The following C12orf42 variants were observed in gnomAD, a reference collection of about 807,000 sequenced individuals.
C12orf42 encodes uncharacterized protein C12orf42.
A neutral mutation model predicts 21.6 loss-of-function variants in C12orf42; 25 were observed. The ratio of observed to expected loss-of-function variants is 1.16; its 90% CI spans 0.84 to 1.62. The LOEUF (loss-of-function observed/expected upper bound fraction) is 1.62, where lower values mean the gene tolerates loss of function less well. Ranked by LOEUF, C12orf42 falls within the 40% of genes most tolerant of loss-of-function variation. The probability of loss-of-function intolerance (pLI) is 0.00; values close to 1 mark genes in which losing one functional copy is unlikely to be tolerated. For missense variants in C12orf42, 483 were observed against 459.3 expected, an observed-to-expected ratio of 1.05 and a Z score of -0.47; for synonymous variants, 174 against 175.0, an observed-to-expected ratio of 0.99 and a Z score of 0.05.
the C12orf42 span, among the ~76,000 whole-genome samples, chr12:103,169,238 C>T: frequency 2.0e-5 from 3 of 151,608 alleles, no homozygotes; most frequent in Non-Finnish European, 2.9e-5. Context: ...TCTTCGTGCA[C>T]TATGTAAATG....
chr12:103,135,998 A>G, the C12orf42 span, among the ~76,000 whole-genome samples: 1 of 152,170 alleles, frequency 6.6e-6, no homozygotes, highest in Admixed American at 6.5e-5. Flanking sequence ...GATCTGACAC[A>G]AGACAAGAGA....
At chr12:103,250,151 G>A (rs1467366840) in intron 10 of C12orf42, among the ~76,000 whole-genome samples, 1 of 151,920 alleles carries the variant, frequency 6.6e-6, no homozygotes. Context: ...TTCTTGGAAT[G>A]TCGGCTAAGA....
chr12:103,064,165 C>CACAAAG, the C12orf42 span, among the ~76,000 whole-genome samples: 1 of 152,146 alleles, frequency 6.6e-6, no homozygotes, highest in African/African-American at 2.4e-5. Flanking sequence ...CTTTACCAAT[C>CACAAAG]CTTTGTGACA....
At chr12:103,271,914 G>A (rs1162444391) in intron 5 of C12orf42, among the ~76,000 whole-genome samples, 2 of 152,158 alleles carry the variant, frequency 1.3e-5, no homozygotes, top group African/African-American at 2.4e-5. Flanking sequence ...CACTCCAACT[G>A]CTAGAGAGTA....
the C12orf42 span, among the ~76,000 whole-genome samples, chr12:103,219,905 T>C: frequency 1.3e-5 from 2 of 152,184 alleles, no homozygotes; most frequent in Non-Finnish European, 2.9e-5. Context: ...GCAATCCCAT[T>C]ACTGGGTATA....
chr12:103,099,989 G>A, the C12orf42 span, among the ~76,000 whole-genome samples: 1 of 152,212 alleles, frequency 6.6e-6, no homozygotes, highest in South Asian at 2.1e-4. Context: ...TTTGCCAGAT[G>A]GAATAATTTA....
At chr12:103,507,233 A>G in the C12orf42 span, among the ~76,000 whole-genome samples, 9 of 56,186 alleles carry the variant, frequency 1.6e-4, 2 homozygotes, top group Non-Finnish European at 2.5e-4. Flanking sequence ...ATATAAATAT[A>G]TATATATTAT....
chr12:103,344,308 A>G (rs991414852), intron 4 of C12orf42, among the ~76,000 whole-genome samples: 4 of 152,188 alleles, frequency 2.6e-5, no homozygotes, highest in Admixed American at 6.5e-5. Flanking sequence ...AGCTGCTGAA[A>G]TGGTCATGTG....
chr12:103,483,684 T>C (rs752280260), intron 1 of C12orf42, among the ~76,000 whole-genome samples: 3 of 152,158 alleles, frequency 2.0e-5, no homozygotes, highest in Non-Finnish European at 4.4e-5. Context: ...TTATTATACT[T>C]TAAGTTCTAG....
downstream of C12orf42, among the ~76,000 whole-genome samples, chr12:103,264,453 G>A (rs572825378): frequency 1.3e-5 from 2 of 152,134 alleles, no homozygotes; most frequent in South Asian, 2.1e-4. Flanking sequence ...CTTCTGATGA[G>A]CCAAAGACCC....
chr12:103,124,367 T>G, the C12orf42 span, among the ~76,000 whole-genome samples: 1 of 151,996 alleles, frequency 6.6e-6, no homozygotes, highest in Non-Finnish European at 1.5e-5. Flanking sequence ...GAGATCTTTC[T>G]TGATGGTGGC....
At chr12:103,194,407 C>T in the C12orf42 span, among the ~76,000 whole-genome samples, 1 of 152,050 alleles carries the variant, frequency 6.6e-6, no homozygotes, top group South Asian at 2.1e-4. Context: ...GACATGATCT[C>T]ATATCTAGAA....
chr12:103,241,590 C>T (rs1213821621), intron 10 of C12orf42, among the ~76,000 whole-genome samples: 4 of 152,138 alleles, frequency 2.6e-5, no homozygotes, highest in Admixed American at 6.5e-5. Flanking sequence ...ATTGGCTGGT[C>T]ATTTTCTTCT....
chr12:103,256,523 G>A lies in C12orf42; in HGVS notation c.*1366+6803C>T, dbSNP rs553189264. ...CATGTCTAAAGGTGAATGGATCCCCGTAATAGCCAACAGTTATTTACTGAA... is the reference window on the plus strand; with the variant it reads ...CATGTCTAAAGGTGAATGGATCCCCATAATAGCCAACAGTTATTTACTGAA... On this transcript the variant is annotated intron_variant and NMD_transcript_variant, in intron 10 of 10. Transcript: ENST00000547347. 5.9e-5 allele frequency among the ~76,000 whole-genome samples: 9 copies of A among 151,956 alleles called. No homozygotes were observed. In the East Asian group the frequency reaches 1.2e-3, roughly 20 times the overall value.
At chr12:103,471,636 G>T (rs1042434296) in intron 2 of C12orf42, among the ~76,000 whole-genome samples, 1 of 152,164 alleles carries the variant, frequency 6.6e-6, no homozygotes, top group Non-Finnish European at 1.5e-5. Context: ...TGAACCCAGG[G>T]TCAAAGGACC....
At chr12:103,224,192 C>A in the C12orf42 span, among the ~76,000 whole-genome samples, 1 of 152,308 alleles carries the variant, frequency 6.6e-6, no homozygotes, top group East Asian at 1.9e-4. Flanking sequence ...TTGAGTAAAG[C>A]TAATTTGCCA....
the C12orf42 span, among the ~76,000 whole-genome samples, chr12:103,513,337 C>T: frequency 6.6e-6 from 1 of 152,086 alleles, no homozygotes; most frequent in Non-Finnish European, 1.5e-5. Context: ...AATGGAACCA[C>T]AGGAAAGGAA....
chr12:103,534,729 T>C, the C12orf42 span, among the ~76,000 whole-genome samples: 1 of 152,174 alleles, frequency 6.6e-6, no homozygotes, highest in Non-Finnish European at 1.5e-5. Context: ...TCTGCATGTC[T>C]TGCAAGCAGA....
chr12:103,152,093 A>G, the C12orf42 span, among the ~76,000 whole-genome samples: 5 of 152,340 alleles, frequency 3.3e-5, no homozygotes, highest in African/African-American at 1.2e-4. Context: ...AATAGCCAGG[A>G]AAACAACAAC....
Sources: gnomAD v4.1 joint callset for allele counts (sites outside exome capture counted in the v4.1 genomes callset) on GRCh38, gnomAD v4.1.1 for gene constraint, MANE v1.5 for transcripts, NCBI Gene and HGNC (gene_info 2026-07-23, HGNC 2026-07-21) for gene names.